STPG2: variants seen among roughly 807,000 people sequenced by gnomAD.
STPG2 encodes the protein sperm-tail PG-rich repeat-containing protein 2.
Under a neutral mutation model 54.2 loss-of-function variants are expected in STPG2, and 56 were observed. The observed-to-expected ratio is 1.03, with a 90% CI of 0.83 to 1.29. The LOEUF is 1.29. Ranked by LOEUF, STPG2 falls within the 50% of genes most tolerant of loss-of-function variation. The pLI is 0.00. For missense variants in STPG2, 596 were observed against 544.9 expected, an observed-to-expected ratio of 1.09 and a Z score of -0.93; for synonymous variants, 200 against 181.8, an observed-to-expected ratio of 1.10 and a Z score of -0.81.
At chr4:97,778,827 G>C (rs528143504) in intron 9 of STPG2, among the ~76,000 whole-genome samples, 1 of 152,284 alleles carries the variant, frequency 6.6e-6, no homozygotes, top group Non-Finnish European at 1.5e-5. Flanking sequence ...ATAGAGCCTG[G>C]AGTGGACCTC....
intron 10 of STPG2, among the ~76,000 whole-genome samples, chr4:97,560,457 G>A (rs564922551): frequency 1.3e-5 from 2 of 152,128 alleles, no homozygotes; most frequent in Non-Finnish European, 2.9e-5. Flanking sequence ...CCCTTTAAGA[G>A]AGGGAAAGAA....
At chr4:97,522,693 A>G (rs2148847960) in intron 4 of STPG2, among the ~76,000 whole-genome samples, 1 of 152,102 alleles carries the variant, frequency 6.6e-6, no homozygotes, top group Non-Finnish European at 1.5e-5. Context: ...ATTTAAGCAG[A>G]CACACAGAGA....
In STPG2 at chr4:97,886,091, C is replaced by A. The variant is rs188430108; in HGVS notation, c.1045-45159G>T. On this transcript the variant is annotated intron_variant, in intron 8 of 10. Coordinates refer to ENST00000295268, the MANE Select transcript of STPG2 (RefSeq NM_174952.3). ...TCAAAGCAGTGGAATAGAATACATA[C>A]TAATACTTATAATTCAACAAAATCT... Among the ~76,000 whole-genome samples the A allele has an allele frequency of 3.3e-5, 5 of 152,114 alleles. No individual in the cohort carries two copies. In the East Asian group the frequency reaches 7.7e-4, roughly 24 times the overall value.
rs535241138 is a variant in STPG2, at chr4:97,561,572, T to C, written c.1321-2455A>G. Reference sequence around the variant, plus strand: ...CCTAGGTTTTCTTCTAGGACTTCTATGGTTTAAGGTCTAACATTTAAGTCT... The same window carrying C: ...CCTAGGTTTTCTTCTAGGACTTCTACGGTTTAAGGTCTAACATTTAAGTCT... On this transcript the variant is annotated intron_variant, in intron 10 of 10. Transcript: ENST00000295268. 3.9e-5 allele frequency among the ~76,000 whole-genome samples: 6 copies of C among 152,342 alleles called. No homozygotes were observed. The South Asian group carries it at 1.0e-3, about 26-fold the overall frequency.
chr4:97,677,028 T>A (rs563498289), intron 10 of STPG2, among the ~76,000 whole-genome samples: 2 of 152,200 alleles, frequency 1.3e-5, no homozygotes, highest in Non-Finnish European at 2.9e-5. Flanking sequence ...AACAAATTTA[T>A]AGTAGTAGTT....
chr4:97,615,493 G>T (rs1228695580), intron 10 of STPG2, among the ~76,000 whole-genome samples: 1 of 151,822 alleles, frequency 6.6e-6, no homozygotes, highest in East Asian at 1.9e-4. Context: ...TTGCTGTATT[G>T]CTCAGGCTGG....
At chr4:97,976,985 A>G (rs921643134) in intron 6 of STPG2, among the ~76,000 whole-genome samples, 5 of 152,192 alleles carry the variant, frequency 3.3e-5, no homozygotes, top group Non-Finnish European at 5.9e-5. Context: ...GGAACTTTAA[A>G]TTATTTTGAG....
chr4:97,562,580 G>C (rs2148875666), intron 10 of STPG2, among the ~76,000 whole-genome samples: 1 of 152,260 alleles, frequency 6.6e-6, no homozygotes, highest in South Asian at 2.1e-4. Flanking sequence ...CTGTGGGTTT[G>C]TCATAGATAG....
chr4:97,802,821 C>T (rs191456296), intron 9 of STPG2, among the ~76,000 whole-genome samples: 12 of 152,176 alleles, frequency 7.9e-5, no homozygotes, highest in East Asian at 3.9e-4. Flanking sequence ...CACATGCACA[C>T]GACCACATAC....
At chr4:97,606,991 G>T (rs185355015) in intron 10 of STPG2, among the ~76,000 whole-genome samples, 1 of 151,828 alleles carries the variant, frequency 6.6e-6, no homozygotes, top group Admixed American at 6.6e-5. Flanking sequence ...TAAAAGAATA[G>T]GAATAAAACT....
chr4:97,795,039 T>G (rs1238948946), intron 9 of STPG2, among the ~76,000 whole-genome samples: 1 of 152,204 alleles, frequency 6.6e-6, no homozygotes, highest in Admixed American at 6.5e-5. Flanking sequence ...CTTCAGTTTT[T>G]GTATCTCACC....
chr4:98,039,540 G>T (rs544992086), intron 5 of STPG2, among the ~76,000 whole-genome samples: 18 of 151,130 alleles, frequency 1.2e-4, no homozygotes, highest in African/African-American at 4.4e-4. Flanking sequence ...ATACACAAAA[G>T]TGGAGGGTGG....
intron 5 of STPG2, among the ~76,000 whole-genome samples, chr4:98,018,863 T>C (rs986611254): frequency 6.6e-6 from 1 of 151,590 alleles, no homozygotes; most frequent in African/African-American, 2.4e-5. Flanking sequence ...TTTGATGGGG[T>C]TGTTTGTTTT....
At chr4:97,706,078 T>C (rs1433938366) in intron 10 of STPG2, among the ~76,000 whole-genome samples, 2 of 152,144 alleles carry the variant, frequency 1.3e-5, no homozygotes, top group Non-Finnish European at 2.9e-5. Context: ...ATCCAATGAA[T>C]CTACCTTTTC....
chr4:97,799,975 G>A (rs898214492), intron 9 of STPG2, among the ~76,000 whole-genome samples: 3 of 151,828 alleles, frequency 2.0e-5, no homozygotes, highest in African/African-American at 7.3e-5. Flanking sequence ...TGATCAAATC[G>A]GCTGCTGAAG....
chr4:97,907,068 A>C (rs1731457926), intron 8 of STPG2, among the ~76,000 whole-genome samples: 1 of 151,960 alleles, frequency 6.6e-6, no homozygotes, highest in Non-Finnish European at 1.5e-5. Context: ...GAAAAGAGGA[A>C]GTCAAATTGT....
At chr4:98,095,906 A>G (rs563878205) in intron 5 of STPG2, among the ~76,000 whole-genome samples, 5 of 152,322 alleles carry the variant, frequency 3.3e-5, no homozygotes, top group Non-Finnish European at 1.5e-5. Context: ...AATAGACTAT[A>G]TGTTAGTCCA....
chr4:97,489,051 A>C (rs1170278470), intron 4 of STPG2, among the ~76,000 whole-genome samples: 2 of 151,654 alleles, frequency 1.3e-5, no homozygotes, highest in Non-Finnish European at 3.0e-5. Context: ...GGTCTTTCCC[A>C]TGCTGTTCTC....
intron 7 of STPG2, among the ~76,000 whole-genome samples, chr4:97,954,136 T>G (rs970373850): frequency 6.6e-6 from 1 of 152,210 alleles, no homozygotes; most frequent in Admixed American, 6.5e-5. Context: ...TGGCTTTGGC[T>G]CTAGAGGAAA....
Sources: gnomAD v4.1 joint callset for allele counts (sites outside exome capture counted in the v4.1 genomes callset) on GRCh38, gnomAD v4.1.1 for gene constraint, MANE v1.5 for transcripts, NCBI Gene and HGNC (gene_info 2026-07-23, HGNC 2026-07-21) for gene names.